The following TNR variants were observed in gnomAD, a reference collection of about 807,000 sequenced individuals.
The protein encoded by TNR is tenascin-R.
In TNR, 45 loss-of-function variants were observed where a neutral mutation model predicts 150.4. The ratio of observed to expected loss-of-function variants is 0.30; its 90% CI spans 0.24 to 0.38. The LOEUF (loss-of-function observed/expected upper bound fraction) is 0.38. TNR is among the 10% of genes least tolerant of loss of function. The pLI, the probability that TNR is intolerant of heterozygous loss-of-function variation, is 1.00. For missense variants in TNR, 1,544 were observed against 1,759.1 expected (o/e 0.88, Z 2.19); for synonymous variants, 687 against 678.4 (o/e 1.01, Z -0.20).
At chr1:175,540,688 A>G (rs867771665) in intron 1 of TNR, among the ~76,000 whole-genome samples, 1 of 151,868 alleles carries the variant, frequency 6.6e-6, no homozygotes, top group African/African-American at 2.4e-5. Flanking sequence ...ATTCACTTCA[A>G]ATCCATCCAC....
chr1:175,539,598 T>C (rs1329656238), intron 1 of TNR, among the ~76,000 whole-genome samples: 1 of 152,112 alleles, frequency 6.6e-6, no homozygotes, highest in Non-Finnish European at 1.5e-5. Context: ...CAGGATGAAG[T>C]TGAAGGGAAA....
At chr1:175,328,395 T>C (rs1330956367) in intron 21 of TNR, among the ~76,000 whole-genome samples, 1 of 152,102 alleles carries the variant, frequency 6.6e-6, no homozygotes, top group Admixed American at 6.5e-5. Flanking sequence ...TGAACTTGGA[T>C]CGGAGGCCCT....
intron 1 of TNR, among the ~76,000 whole-genome samples, chr1:175,732,707 A>G (rs1302119567): frequency 6.6e-6 from 1 of 152,140 alleles, no homozygotes; most frequent in Non-Finnish European, 1.5e-5. Context: ...GGTACACAGA[A>G]TCCCTGGGTT....
At chr1:175,558,286 G>C (rs1400619098) in intron 1 of TNR, among the ~76,000 whole-genome samples, 1 of 148,418 alleles carries the variant, frequency 6.7e-6, no homozygotes, top group African/African-American at 2.5e-5. Context: ...AAAAAAAAAA[G>C]ATAGCCATTC....
At chr1:175,440,022 T>C (rs1655707293) in intron 2 of TNR, among the ~76,000 whole-genome samples, 1 of 152,206 alleles carries the variant, frequency 6.6e-6, no homozygotes, top group Non-Finnish European at 1.5e-5. Flanking sequence ...ATCCCATTAT[T>C]GGGTATATAC....
At chr1:175,669,928 G>C (rs1665644875) in intron 1 of TNR, among the ~76,000 whole-genome samples, 1 of 152,214 alleles carries the variant, frequency 6.6e-6, no homozygotes, top group African/African-American at 2.4e-5. Context: ...GGCACAGGAA[G>C]AACCTCAGGG....
At chr1:175,425,142 C>G (rs1252825909) in intron 2 of TNR, among the ~76,000 whole-genome samples, 1 of 152,124 alleles carries the variant, frequency 6.6e-6, no homozygotes, top group African/African-American at 2.4e-5. Context: ...AAGTAGAAGA[C>G]AAGACTGTGC....
At chr1:175,685,042 A>C (rs1666147528) in intron 1 of TNR, among the ~76,000 whole-genome samples, 1 of 151,866 alleles carries the variant, frequency 6.6e-6, no homozygotes. Context: ...TTCCCCTCTA[A>C]GTTATATTAG....
chr1:175,380,672 A>G (rs942827722), intron 8 of TNR, among the ~76,000 whole-genome samples: 1 of 152,000 alleles, frequency 6.6e-6, no homozygotes, highest in Non-Finnish European at 1.5e-5. Context: ...TGTTCTCTGC[A>G]GTTGCCACAA....
At chr1:175,600,569 A>C (rs1663194827) in intron 1 of TNR, among the ~76,000 whole-genome samples, 1 of 152,248 alleles carries the variant, frequency 6.6e-6, no homozygotes, top group African/African-American at 2.4e-5. Flanking sequence ...CAGGGTTTGC[A>C]CGTAAAGATA....
intron 1 of TNR, among the ~76,000 whole-genome samples, chr1:175,733,469 T>G (rs932319759): frequency 6.6e-6 from 1 of 152,154 alleles, no homozygotes; most frequent in African/African-American, 2.4e-5. Context: ...CCAGGCCCTC[T>G]TGGGGGCTTT....
chr1:175,340,183 T>G (rs1451536988), intron 18 of TNR, among the ~76,000 whole-genome samples: 2 of 152,198 alleles, frequency 1.3e-5, no homozygotes, highest in Admixed American at 1.3e-4. Flanking sequence ...GGACCATGCT[T>G]TCTTCCTTCC....
At chr1:175,370,745 A>G (rs190487907) in intron 9 of TNR, among the ~76,000 whole-genome samples, 56 of 152,346 alleles carry the variant, frequency 3.7e-4, no homozygotes, top group African/African-American at 1.2e-3. Flanking sequence ...ATTCTCCAAC[A>G]TAGATGAAGG....
At chr1:175,693,416 G>T (rs1322239604) in intron 1 of TNR, among the ~76,000 whole-genome samples, 2 of 152,208 alleles carry the variant, frequency 1.3e-5, no homozygotes, top group Non-Finnish European at 2.9e-5. Context: ...CCTCCTCTAA[G>T]ATGATCTGTT....
At chr1:175,378,024 C>A (rs1336205567) in intron 9 of TNR, among the ~76,000 whole-genome samples, 3 of 152,186 alleles carry the variant, frequency 2.0e-5, no homozygotes, top group African/African-American at 7.2e-5. Flanking sequence ...CACTTCCCAG[C>A]CAGGTATCAT....
intron 18 of TNR, among the ~76,000 whole-genome samples, chr1:175,339,392 G>T (rs1011036446): frequency 6.6e-6 from 1 of 152,152 alleles, no homozygotes; most frequent in Admixed American, 6.5e-5. Flanking sequence ...TTCCTTAATA[G>T]CTGCAGAAAA....
intron 1 of TNR, among the ~76,000 whole-genome samples, chr1:175,590,562 A>G (rs753322061): frequency 2.0e-5 from 3 of 152,238 alleles, no homozygotes; most frequent in Non-Finnish European, 4.4e-5. Context: ...CAGGTAAACA[A>G]TGAACTGAAA....
At chr1:175,476,846 G>A (rs1227829876) in intron 2 of TNR, among the ~76,000 whole-genome samples, 2 of 152,136 alleles carry the variant, frequency 1.3e-5, no homozygotes, top group Non-Finnish European at 2.9e-5. Context: ...ATGTGGGTGA[G>A]GGCAGCAAAC....
At chr1:175,662,406 C>A (rs979448353) in intron 1 of TNR, among the ~76,000 whole-genome samples, 2 of 152,052 alleles carry the variant, frequency 1.3e-5, no homozygotes, top group Non-Finnish European at 2.9e-5. Flanking sequence ...CAATTTGACT[C>A]CTGATCATTC....
Sources: allele counts gnomAD v4.1 joint callset (sites outside exome capture counted in the v4.1 genomes callset), GRCh38; gene constraint gnomAD v4.1.1; transcripts MANE v1.5; gene names NCBI Gene and HGNC (gene_info 2026-07-23, HGNC 2026-07-21).